Variants in DNAH17 observed in about 807,000 individuals in gnomAD.
DNAH17 encodes dynein axonemal heavy chain 17.
In DNAH17, 376 loss-of-function variants were observed where a neutral mutation model predicts 485.6. The ratio of observed to expected loss-of-function variants is 0.77; its 90% CI spans 0.71 to 0.84. The LOEUF is 0.84. Among genes scored for constraint, DNAH17 ranks in the 40% least tolerant of loss-of-function variants. The probability of loss-of-function intolerance (pLI) is 0.00; values close to 1 mark genes in which losing one functional copy is unlikely to be tolerated. For missense variants in DNAH17, 6,370 were observed against 5,839.3 expected, an observed-to-expected ratio of 1.09 and a Z score of -2.96; for synonymous variants, 3,031 against 2,405.9, an observed-to-expected ratio of 1.26 and a Z score of -7.60.
At position 78,505,318 on chromosome 17, in the gene DNAH17, T is replaced by C; in HGVS notation, c.4931A>G (p.Asp1644Gly). 2 of 1,613,902 alleles carry C rather than the reference T, an allele frequency of 1.2e-6. No homozygotes were observed. The highest frequency in any genetic ancestry group is 1.7e-6 in the Non-Finnish European group (2 of 1,179,862). ...CTGCCCCGAGAGGTCGCATTCCTGATCAAAAACCATGTACTCGTCCTCCTT... is the reference window on the plus strand; with the variant it reads ...CTGCCCCGAGAGGTCGCATTCCTGACCAAAAACCATGTACTCGTCCTCCTT... Reference protein sequence around the residue: ...YSKEDEYMVFDQECDLSGQVE... With the variant: ...YSKEDEYMVFGQECDLSGQVE... Residue 1644 changes from aspartate to glycine, a missense_variant, in exon 31 of 81, where the codon GAT becomes GGT. By Grantham distance (94) the Asp-to-Gly change is moderately conservative. Transcript: ENST00000389840.
chr17:78,482,435 A>G (rs72925868), intron 48 of DNAH17, among the ~76,000 whole-genome samples: 22,453 of 152,188 alleles, frequency 0.15, 1,868 homozygotes, highest in South Asian at 0.22. Flanking sequence ...AATTTTATAC[A>G]TTGCAAATGT....
chr17:78,484,487 T>G (rs2089497139), intron 48 of DNAH17, among the ~76,000 whole-genome samples: 1 of 151,228 alleles, frequency 6.6e-6, no homozygotes, highest in Non-Finnish European at 1.5e-5. Context: ...GCACTGGGGG[T>G]TTTCCTCAGG....
intron 13 of DNAH17, among the ~76,000 whole-genome samples, chr17:78,560,487 C>T (rs1006117897): frequency 1.4e-5 from 2 of 144,470 alleles, no homozygotes; most frequent in Non-Finnish European, 3.1e-5. Context: ...TTTCCCCCCC[C>T]CCAGTTTCAA....
rs563281714 is a variant in DNAH17, at chr17:78,449,633, T to G, written c.11041-49A>C. ...ATGGAGGCGTGCAGAGATGGAGCCCTTCACCACTCCCCGCCACCACTCCCT... is the reference window on the plus strand; with the variant it reads ...ATGGAGGCGTGCAGAGATGGAGCCCGTCACCACTCCCCGCCACCACTCCCT... On this transcript the variant is annotated intron_variant, in intron 68 of 80. Coordinates refer to ENST00000389840, the MANE Select transcript of DNAH17 (RefSeq NM_173628.4). 336 of 1,536,446 alleles carry G rather than the reference T, an allele frequency of 2.2e-4. 5 individuals are homozygous for G. In the East Asian group the frequency reaches 7.9e-3, roughly 36 times the overall value.
chr17:78,515,854 T>C (rs2090765452), intron 25 of DNAH17, among the ~76,000 whole-genome samples: 1 of 152,234 alleles, frequency 6.6e-6, no homozygotes, highest in Admixed American at 6.5e-5. Context: ...TGTGTGGGGT[T>C]GTTACCGCAC....
At chr17:78,498,932 T>C in intron 37 of DNAH17, 76 bp downstream of exon 37, 1 of 1,155,106 alleles carries the variant, frequency 8.7e-7, no homozygotes, top group South Asian at 1.6e-5. Context: ...AGGGTCTATC[T>C]GGCGTGTGAG....
chr17:78,453,747 G>C (rs541177089), intron 64 of DNAH17, among the ~76,000 whole-genome samples: 1 of 152,364 alleles, frequency 6.6e-6, no homozygotes, highest in East Asian at 1.9e-4. Flanking sequence ...GAGTGCAGTG[G>C]CATGAGCAGG....
At position 78,560,877 on chromosome 17, in the gene DNAH17, G is replaced by A. The variant is rs537247390; in HGVS notation, c.1894C>T (p.Leu632=). The A allele has an allele frequency of 2.6e-6, 4 of 1,551,664 alleles. No homozygotes were observed. Among genetic ancestry groups the A allele is most frequent in the Admixed American group, 3.9e-5 (2 of 51,030 alleles). ...TYQKYDEMME[L]LRCHREKIYQ... ...ATCTTCTCGCGGTGGCACCTCAGCA[G>A]CTCCATCATCTCGTCATACTTCTGA... Residue 632 remains leucine, a synonymous_variant, in exon 13 of 81, where the codon CTG becomes TTG. Transcript: ENST00000389840.
intron 2 of DNAH17, among the ~76,000 whole-genome samples, chr17:78,574,038 AC>A (rs1439185016): frequency 1.3e-5 from 2 of 152,102 alleles, no homozygotes; most frequent in African/African-American, 4.8e-5. Context: ...AATTGGAGAA[AC>A]CTATCTGCCA....
At chr17:78,432,610 C>T (rs925550895) in intron 75 of DNAH17, among the ~76,000 whole-genome samples, 22 of 152,338 alleles carry the variant, frequency 1.4e-4, no homozygotes, top group African/African-American at 3.6e-4. Flanking sequence ...GGCTCTGTCA[C>T]AGCCTCCCAG....
intron 31 of DNAH17, 55 bp from the exon 32 acceptor site, chr17:78,503,066 C>A: frequency 2.6e-6 from 4 of 1,540,004 alleles, no homozygotes; most frequent in Non-Finnish European, 2.6e-6. Flanking sequence ...CCTCTAGTTC[C>A]AATAATTTTG....
Position 78,575,083 on chromosome 17 carries a change from C to G in DNAH17, c.-25-1G>C. 2 of 1,575,910 alleles carry G rather than the reference C, an allele frequency of 1.3e-6. No individual in the cohort carries two copies. The highest frequency in any genetic ancestry group is 2.3e-5 in the South Asian group (2 of 86,928). On this transcript the variant is annotated splice_acceptor_variant, in intron 1 of 80. Transcript: ENST00000389840. LOFTEE classifies it low-confidence loss of function (5UTR_SPLICE). ...CTTGGCCTTTCCTTACACTGTGTAT[C>G]TGTTAAGAGTGCAAGAAACAGGTAC... is the stretch of plus-strand genomic sequence containing the variant.
Position 78,426,449 on chromosome 17 carries a change from G to T in DNAH17, c.12915+8C>A. Reference sequence around the variant, plus strand: ...CTTAGGAAGCCTCTCAGAGAAAACGGCACTTACCCTGATGCGGAGCAGCAG... The same window carrying T: ...CTTAGGAAGCCTCTCAGAGAAAACGTCACTTACCCTGATGCGGAGCAGCAG... On this transcript the variant is annotated splice_region_variant and intron_variant, in intron 79 of 80. Coordinates refer to ENST00000389840, the MANE Select transcript of DNAH17 (RefSeq NM_173628.4). 1 of 1,589,060 alleles carries T rather than the reference G, an allele frequency of 6.3e-7. No homozygotes were observed. The highest frequency in any genetic ancestry group is 8.6e-7 in the Non-Finnish European group (1 of 1,167,404).
chr17:78,498,066 C>T (rs1199481168), intron 37 of DNAH17, among the ~76,000 whole-genome samples: 3 of 151,954 alleles, frequency 2.0e-5, no homozygotes, highest in Admixed American at 6.6e-5. Flanking sequence ...TGCTTAAACC[C>T]GGGAGGCGGA....
At chr17:78,512,075 G>A (rs2090649782) in intron 26 of DNAH17, among the ~76,000 whole-genome samples, 1 of 152,178 alleles carries the variant, frequency 6.6e-6, no homozygotes. Context: ...CGGAGCAGGA[G>A]CCTCTAACAC....
intron 37 of DNAH17, among the ~76,000 whole-genome samples, chr17:78,498,379 G>A (rs988735025): frequency 6.6e-6 from 1 of 152,146 alleles, no homozygotes; most frequent in Non-Finnish European, 1.5e-5. Flanking sequence ...ACTTACCTTA[G>A]ACAGCCCAGT....
rs751980945 is a variant in DNAH17 at position 78,551,180 on chromosome 17, G to A, written c.2391+355C>T. Reference sequence around the variant, plus strand: ...TAATGAAGGATTCCCCCAGTGCTCCGGAAGGAGCTTGAGTTAGAACTGTAC... The same window carrying A: ...TAATGAAGGATTCCCCCAGTGCTCCAGAAGGAGCTTGAGTTAGAACTGTAC... On this transcript the variant is annotated intron_variant, in intron 16 of 80. Transcript: ENST00000389840. Among the ~76,000 whole-genome samples the A allele has an allele frequency of 9.2e-5, 14 of 152,298 alleles. No homozygotes were observed. In the South Asian group the frequency reaches 1.0e-3, roughly 11 times the overall value.
intron 26 of DNAH17, among the ~76,000 whole-genome samples, chr17:78,512,670 G>A (rs971477449): frequency 6.6e-5 from 10 of 152,092 alleles, no homozygotes; most frequent in Admixed American, 2.0e-4. Flanking sequence ...GGCCAGGTGC[G>A]GTGGCTCACA....
intron 18 of DNAH17, among the ~76,000 whole-genome samples, chr17:78,537,702 G>A (rs534844826): frequency 6.6e-6 from 1 of 152,344 alleles, no homozygotes; most frequent in East Asian, 1.9e-4. Context: ...GCAGGTTGGG[G>A]CAAGGGGAGG....
Sources: allele counts gnomAD v4.1 joint callset (sites outside exome capture counted in the v4.1 genomes callset), GRCh38; gene constraint gnomAD v4.1.1; transcripts MANE v1.5; gene names NCBI Gene and HGNC (gene_info 2026-07-23, HGNC 2026-07-21).